CDK20: variants seen among roughly 807,000 people sequenced by gnomAD.
The protein encoded by CDK20 is cyclin dependent kinase 20.
Under a neutral mutation model 38.6 loss-of-function variants are expected in CDK20, and 40 were observed. The observed-to-expected ratio is 1.04, with a 90% CI of 0.81 to 1.35. CDK20 has a LOEUF of 1.35. Among genes scored for constraint, CDK20 ranks in the 40% most tolerant of loss-of-function variants. The probability of loss-of-function intolerance (pLI) is 0.00; values close to 1 mark genes in which losing one functional copy is unlikely to be tolerated. For missense variants in CDK20, 512 were observed against 452.6 expected (o/e 1.13, Z -1.19); for synonymous variants, 209 against 185.7 (o/e 1.13, Z -1.02).
In CDK20 at chr9:87,966,978, G is replaced by A; in HGVS notation, c.*484C>T. 1 of 454,276 alleles carries A rather than the reference G, an allele frequency of 2.2e-6. No homozygotes were observed. The highest frequency in any genetic ancestry group is 4.5e-6 in the Non-Finnish European group (1 of 224,088). 28.1% of individuals were successfully genotyped at this position (454,276 alleles called of 1,614,324 possible). A position where few individuals can be genotyped will look rare whatever the true frequency, so the allele number is the denominator to read the frequency against. On this transcript the variant is annotated 3_prime_UTR_variant, in exon 8 of 8. Coordinates refer to ENST00000325303, the MANE Select transcript of CDK20 (RefSeq NM_001039803.3). ...ACAGACATAAGGCAGAGCCACCTGA[G>A]GTTTTTAGAATCTATATCTCACATA...
intron 1 of CDK20, 82 bp from the exon 2 acceptor site, chr9:87,974,117 G>C: frequency 6.2e-7 from 1 of 1,601,754 alleles, no homozygotes; most frequent in Admixed American, 1.7e-5. Flanking sequence ...AGGTGGTTGA[G>C]AGAGAGACAC....
At position 87,973,934 on chromosome 9, in the gene CDK20, C is replaced by T. The variant is rs55796833; in HGVS notation, c.177G>A (p.Glu59=). ...LREIKALQEM[E]DNQYVVQLKA... is the part of the protein sequence containing the mutation. ...CTCCCCTACTCACATACTGATTGTC[C>T]TCCATCTCCTGCAGAGCCTTAATCT... Residue 59 remains glutamate (E), a synonymous_variant, in exon 2 of 8, where the codon GAG becomes GAA. Transcript: ENST00000325303. 1.2e-5 allele frequency: 19 copies of T among 1,613,830 alleles called. No homozygotes were observed. The highest frequency in any genetic ancestry group is 4.0e-5 in the African/African-American group (3 of 74,928).
At chr9:87,971,935 G>A (rs558241732) in intron 2 of CDK20, among the ~76,000 whole-genome samples, 6 of 152,330 alleles carry the variant, frequency 3.9e-5, no homozygotes, top group Non-Finnish European at 5.9e-5. Flanking sequence ...TGGGCATGAC[G>A]TCTCATGCCC....
Position 87,969,953 on chromosome 9 carries a change from C to T in CDK20, c.564-34G>A, listed in dbSNP as rs755421832. ...ACAGAGCCCCAAGCAGGTCAGAGAT[C>T]TCCCACCATGGACCACAGACCCACC... On this transcript the variant is annotated intron_variant, in intron 5 of 7. Transcript: ENST00000325303. 9 of 1,524,508 alleles carry T rather than the reference C, an allele frequency of 5.9e-6. No homozygotes were observed. In the African/African-American group the frequency reaches 7.0e-5, roughly 12 times the overall value. 94.4% of individuals were successfully genotyped at this position (1,524,508 alleles called of 1,614,324 possible).
intron 7 of CDK20, chr9:87,967,896 T>G: frequency 2.1e-6 from 1 of 478,170 alleles, no homozygotes. Context: ...CAAGATGAAG[T>G]AAAATACACA....
intron 3 of CDK20, 75 bp downstream of exon 3, chr9:87,971,072 T>A: frequency 2.0e-6 from 3 of 1,534,092 alleles, no homozygotes; most frequent in Non-Finnish European, 2.7e-6. Flanking sequence ...TTATCACACC[T>A]TTTACAAGGG....
Position 87,971,305 on chromosome 9 carries a change from C to T in CDK20, c.220G>A (p.Gly74Ser), listed in dbSNP as rs761408768. The change falls in exon 3 of 8, where the codon GGT becomes AGT. Residue 74 changes from glycine to serine, a missense_variant. Coordinates refer to ENST00000325303, the MANE Select transcript of CDK20 (RefSeq NM_001039803.3). ...TCAAAGGCCAGCACAAAGCCTCCAC[C>T]GTGTGGGAACACAGCCTTCAGTTGT... ...VVQLKAVFPH[G>S]GGFVLAFEFM... The T allele has an allele frequency of 6.8e-6, 11 of 1,613,590 alleles. No individual in the cohort carries two copies. The highest frequency in any genetic ancestry group is 2.2e-5 in the South Asian group (2 of 90,990).
intron 7 of CDK20, chr9:87,968,413 A>T (rs1829586184): frequency 6.6e-6 from 1 of 152,416 alleles, no homozygotes; most frequent in South Asian, 2.1e-4. Context: ...AGTGGAGACC[A>T]AGAGGGCGTA....
Position 87,969,256 on chromosome 9 carries a change from C to A in CDK20, c.781G>T (p.Ala261Ser), listed in dbSNP as rs182185602. 1.2e-6 allele frequency: 2 copies of A among 1,613,910 alleles called. No individual in the cohort carries two copies. The highest frequency in any genetic ancestry group is 2.2e-5 in the East Asian group (1 of 44,880). ...AGGAATTGACCCAGCAGATCCAATG[C>A]CTGGGGAGAGACGTCAGGCAGCACC... ...EEVLPDVSPQ[A>S]LDLLGQFLLY... is the part of the protein sequence containing the mutation. The change falls in exon 7 of 8, where the codon GCA becomes TCA. Residue 261 changes from alanine (A) to serine (S), a missense_variant. Transcript: ENST00000325303.
In CDK20 at chr9:87,967,652, A is replaced by G; in HGVS notation, c.851T>C (p.Leu284Pro). 6.8e-7 allele frequency: 1 copy of G among 1,477,948 alleles called. No individual in the cohort carries two copies. Among genetic ancestry groups the G allele is most frequent in the South Asian group, 1.4e-5 (1 of 71,170 alleles). The allele number at this position is 1,477,948 out of a possible 1,614,324, so 91.6% of individuals were successfully genotyped here. Residue 284 changes from leucine to proline, a missense_variant, in exon 8 of 8, where the codon CTC becomes CCC. Coordinates refer to ENST00000325303, the MANE Select transcript of CDK20 (RefSeq NM_001039803.3). ...GGGAGCTGTGAAGAAGTACTGATGGAGGAGAGCCTGAGGGTGGCAAGTAAG... is the reference window on the plus strand; with the variant it reads ...GGGAGCTGTGAAGAAGTACTGATGGGGGAGAGCCTGAGGGTGGCAAGTAAG... ...HQRIAASKAL[L>P]HQYFFTAPLP...
At chr9:87,969,454 G>T in intron 6 of CDK20, 105 bp from the exon 7 acceptor site, 2 of 1,233,458 alleles carry the variant, frequency 1.6e-6, no homozygotes, top group Non-Finnish European at 2.3e-6. Context: ...CATGGGGGGT[G>T]CTCTCCCATC....
intron 2 of CDK20, among the ~76,000 whole-genome samples, chr9:87,973,651 A>G (rs1014523356): frequency 6.6e-6 from 1 of 151,798 alleles, no homozygotes; most frequent in African/African-American, 2.4e-5. Flanking sequence ...TTTGAGAAAA[A>G]AAGTCGGTGA....
intron 1 of CDK20, 57 bp from the exon 2 acceptor site, chr9:87,974,092 A>C: frequency 1.2e-6 from 2 of 1,611,082 alleles, no homozygotes; most frequent in Non-Finnish European, 1.7e-6. Flanking sequence ...AGAGAGATGA[A>C]GGTGGGTGAG....
chr9:87,973,190 G>A (rs981651792), intron 2 of CDK20, among the ~76,000 whole-genome samples: 1 of 152,050 alleles, frequency 6.6e-6, no homozygotes, highest in African/African-American at 2.4e-5. Context: ...TCCCTATTTC[G>A]ACATGGGTGA....
At chr9:87,970,466 A>G in intron 5 of CDK20, 102 bp downstream of exon 5, 4 of 1,116,660 alleles carry the variant, frequency 3.6e-6, no homozygotes, top group Non-Finnish European at 5.1e-6. Flanking sequence ...AAGGAAGCCT[A>G]AACTCCCACC....
At position 87,971,272 on chromosome 9, in the gene CDK20, G is replaced by A. The variant is rs1380621726; in HGVS notation, c.253C>T (p.Leu85=). 1 of 1,614,102 alleles carries A rather than the reference G, an allele frequency of 6.2e-7. No individual in the cohort carries two copies. Among genetic ancestry groups the A allele is most frequent in the Non-Finnish European group, 8.5e-7 (1 of 1,179,994 alleles). ...CGCACCACCTCGGCCAGATCCGACA[G>A]CATGAACTCAAAGGCCAGCACAAAG... The part of the protein sequence containing the change: ...GGFVLAFEFM[L]SDLAEVVRHA... The change falls in exon 3 of 8, where the codon CTG becomes TTG. Residue 85 remains leucine, a synonymous_variant. Transcript: ENST00000325303.
Position 87,967,316 on chromosome 9 carries a change from A to G in CDK20, c.*146T>C, listed in dbSNP as rs543306496. ...GAACATGACCTCTGCCTCGAGACCAACCCTCGCAAGGGCTAAGGGGCAGGG... is the reference window on the plus strand; with the variant it reads ...GAACATGACCTCTGCCTCGAGACCAGCCCTCGCAAGGGCTAAGGGGCAGGG... On this transcript the variant is annotated 3_prime_UTR_variant, in exon 8 of 8. Transcript: ENST00000325303. The G allele has an allele frequency of 6.1e-6, 5 of 817,980 alleles. No individual in the cohort carries two copies. The East Asian group carries it at 8.0e-5, about 13-fold the overall frequency. 50.7% of individuals were successfully genotyped at this position (817,980 alleles called of 1,614,324 possible).
Position 87,969,868 on chromosome 9 carries a change from C to A in CDK20, c.615G>T (p.Pro205=). The change falls in exon 6 of 8, where the codon CCG becomes CCT. Residue 205 remains proline, a synonymous_variant. Coordinates refer to ENST00000325303, the MANE Select transcript of CDK20 (RefSeq NM_001039803.3). The stretch of plus-strand genomic sequence containing the variant: ...AAAGCTGTTCAATATCGTTCTTGCC[C>A]GGGAAAAGGGGGGACCCATTCAACA... ...GELLNGSPLF[P]GKNDIEQLCY... 6.2e-7 allele frequency: 1 copy of A among 1,607,390 alleles called. No individual in the cohort carries two copies. The highest frequency in any genetic ancestry group is 8.5e-7 in the Non-Finnish European group (1 of 1,176,500).
chr9:87,974,492 A>C lies in CDK20; in HGVS notation c.-46T>G. 1 of 1,553,072 alleles carries C rather than the reference A, an allele frequency of 6.4e-7. No individual in the cohort carries two copies. Among genetic ancestry groups the C allele is most frequent in the Non-Finnish European group, 8.8e-7 (1 of 1,139,292 alleles). ...GTGCCCCTGTGCCCCTGAACTTCCAAACTCCACTTCTCCTCCACCCCACGC... is the reference window on the plus strand; with the variant it reads ...GTGCCCCTGTGCCCCTGAACTTCCACACTCCACTTCTCCTCCACCCCACGC... On this transcript the variant is annotated 5_prime_UTR_variant, in exon 1 of 8. Coordinates refer to ENST00000325303, the MANE Select transcript of CDK20 (RefSeq NM_001039803.3).
Sources: gnomAD v4.1 joint callset for allele counts (sites outside exome capture counted in the v4.1 genomes callset) on GRCh38, gnomAD v4.1.1 for gene constraint, MANE v1.5 for transcripts, NCBI Gene and HGNC (gene_info 2026-07-23, HGNC 2026-07-21) for gene names.